Variants in CSMD1 observed in about 807,000 individuals in gnomAD.
CSMD1 encodes CUB and sushi domain-containing protein 1.
CSMD1 carries 213 observed loss-of-function variants against 417.5 expected under a neutral mutation model. The ratio of observed to expected loss-of-function variants is 0.51; its 90% CI spans 0.46 to 0.57. CSMD1 has a LOEUF of 0.57. CSMD1 is among the 20% of genes least tolerant of loss of function. CSMD1 has a pLI of 0.00. For missense variants in CSMD1, 6,923 were observed against 4,529.7 expected (o/e 1.53, Z -15.17); for synonymous variants, 2,862 against 1,736.8 (o/e 1.65, Z -16.11).
intron 5 of CSMD1, among the ~76,000 whole-genome samples, chr8:3,897,483 T>C: frequency 6.6e-6 from 1 of 152,210 alleles, no homozygotes; most frequent in Middle Eastern, 3.2e-3. Flanking sequence ...AATTTTTATT[T>C]ATGATCTTAA....
intron 2 of CSMD1, among the ~76,000 whole-genome samples, chr8:4,426,316 GT>G (rs944962552): frequency 2.0e-5 from 3 of 150,682 alleles, no homozygotes; most frequent in Non-Finnish European, 4.4e-5. Flanking sequence ...GATATAAAAA[GT>G]TTTTTTAATT....
chr8:3,396,320 G>A lies in CSMD1; in HGVS notation c.2467C>T (p.Pro823Ser), dbSNP rs1305798870. 1.2e-6 allele frequency: 2 copies of A among 1,608,128 alleles called. No homozygotes were observed. Among genetic ancestry groups the A allele is most frequent in the East Asian group, 4.5e-5 (2 of 44,702 alleles). The stretch of plus-strand genomic sequence containing the variant: ...GTGCCGTGGTACTCGCCGATCAGTG[G>A]GGACGAACTGGCTGGCCCATCTCTG... ...EVRDGPASSS[P>S]LIGEYHGTQA... is the part of the protein sequence containing the mutation. The change falls in exon 17 of 70, where the codon CCA (proline) becomes TCA (serine). Residue 823 changes from proline (P) to serine (S), a missense_variant. Pro to Ser is a moderately conservative substitution (Grantham distance 74). Transcript: ENST00000635120.
intron 18 of CSMD1, among the ~76,000 whole-genome samples, chr8:3,373,022 G>A (rs979012862): frequency 9.8e-5 from 15 of 152,290 alleles, no homozygotes; most frequent in African/African-American, 2.6e-4. Context: ...AAATTTTTAT[G>A]AAGACGATCA....
intron 6 of CSMD1, among the ~76,000 whole-genome samples, chr8:3,709,092 C>T (rs1254792453): frequency 1.3e-5 from 2 of 151,256 alleles, no homozygotes; most frequent in Non-Finnish European, 1.5e-5. Flanking sequence ...CATCATCATT[C>T]TGAGAGTTAA....
chr8:4,617,512 A>G (rs1338493774), intron 2 of CSMD1, among the ~76,000 whole-genome samples: 2 of 152,178 alleles, frequency 1.3e-5, no homozygotes, highest in African/African-American at 4.8e-5. Flanking sequence ...CAACTAGACA[A>G]TGCTATGAGG....
rs760001808 is a variant in CSMD1 at position 3,219,347 on chromosome 8, G to A, written c.4580C>T (p.Pro1527Leu). 1 of 1,576,938 alleles carries A rather than the reference G, an allele frequency of 6.3e-7. No homozygotes were observed. Among genetic ancestry groups the A allele is most frequent in the South Asian group, 1.2e-5 (1 of 86,110 alleles). ...GTTTCCGCTACTCTCTATTCTTTCT[G>A]GGGCCTGAGAGCCCTGGTAACTCCC... The part of the protein sequence containing the change: ...LIGSYQGSQA[P>L]ERIESSGNSL... The change falls in exon 29 of 70, where the codon CCA (proline) becomes CTA (leucine). Residue 1527 changes from proline (P) to leucine (L), a missense_variant. By Grantham distance (98) the Pro-to-Leu change is moderately conservative. Transcript: ENST00000635120.
rs67767005 is a variant in CSMD1 at position 4,226,067 on chromosome 8, G to GACACAC, written c.415+193880_415+193885dup. ...GCTGGAAGGTTAGAGCTGACAGGCG[G>GACACAC]ACACACACACACACACACACACACA... On this transcript the variant is annotated intron_variant, in intron 3 of 69. Coordinates refer to ENST00000635120, the MANE Select transcript of CSMD1 (RefSeq NM_033225.6). 6.6e-3 allele frequency among the ~76,000 whole-genome samples: 952 copies of GACACAC among 143,584 alleles called. 5 individuals are homozygous for GACACAC. The highest frequency in any genetic ancestry group is 0.016 in the African/African-American group (614 of 39,176). 94.2% of individuals were successfully genotyped at this position (143,584 alleles called of 152,430 possible). A position where few individuals can be genotyped will look rare whatever the true frequency, so the allele number is the denominator to read the frequency against.
At chr8:4,015,661 T>TAAAAAAAAAAAA (rs11371186) in intron 4 of CSMD1, among the ~76,000 whole-genome samples, 4 of 97,474 alleles carry the variant, frequency 4.1e-5, no homozygotes, top group South Asian at 3.8e-4. Context: ...GTTTGAATCT[T>TAAAAAAAAAAAA]AAAAAAAAAA....
At chr8:3,548,222 A>G (rs1410058243) in intron 10 of CSMD1, among the ~76,000 whole-genome samples, 1 of 152,150 alleles carries the variant, frequency 6.6e-6, no homozygotes, top group Non-Finnish European at 1.5e-5. Context: ...GGGCTGATGG[A>G]GCCATCTCAG....
rs78873514 is a variant in CSMD1 at position 2,961,051 on chromosome 8, T to C, written c.9702+90A>G. The C allele has an allele frequency of 8.4e-5, 61 of 725,974 alleles. No individual in the cohort carries two copies. In the East Asian group the frequency reaches 1.9e-3, roughly 22 times the overall value. 45.0% of individuals were successfully genotyped at this position (725,974 alleles called of 1,614,324 possible). A position where few individuals can be genotyped will look rare whatever the true frequency, so the allele number is the denominator to read the frequency against. On this transcript the variant is annotated intron_variant, in intron 62 of 69. Coordinates refer to ENST00000635120, the MANE Select transcript of CSMD1 (RefSeq NM_033225.6). The stretch of plus-strand genomic sequence containing the variant: ...TCAGGTAAATATAACATGAATAAGG[T>C]ATGATATAAAAAAGCACTCACATAT...
intron 4 of CSMD1, among the ~76,000 whole-genome samples, chr8:3,999,366 T>C (rs1815479712): frequency 6.6e-6 from 1 of 152,130 alleles, no homozygotes; most frequent in Admixed American, 6.5e-5. Flanking sequence ...CCACCAAAAT[T>C]ATACCGAAGT....
At chr8:4,300,175 A>G (rs756656818) in intron 3 of CSMD1, among the ~76,000 whole-genome samples, 1 of 152,142 alleles carries the variant, frequency 6.6e-6, no homozygotes, top group Non-Finnish European at 1.5e-5. Context: ...CAAAACAGAC[A>G]ATTTCCTTTT....
chr8:3,887,172 C>G (rs192826228), intron 5 of CSMD1, among the ~76,000 whole-genome samples: 1 of 152,102 alleles, frequency 6.6e-6, no homozygotes, highest in Non-Finnish European at 1.5e-5. Flanking sequence ...GGTATTCCAG[C>G]TGCTGAAGTG....
intron 40 of CSMD1, among the ~76,000 whole-genome samples, chr8:3,143,829 C>T (rs1260966596): frequency 1.3e-5 from 2 of 152,170 alleles, no homozygotes; most frequent in Admixed American, 6.5e-5. Context: ...TTTCCTACTT[C>T]ATTGGAAGTG....
intron 3 of CSMD1, among the ~76,000 whole-genome samples, chr8:4,367,373 G>A (rs1219906250): frequency 6.6e-6 from 1 of 152,048 alleles, no homozygotes; most frequent in East Asian, 1.9e-4. Flanking sequence ...GATTGTAGGT[G>A]TATGGCTTTA....
chr8:4,287,897 C>T (rs1045169957), intron 3 of CSMD1, among the ~76,000 whole-genome samples: 2 of 152,050 alleles, frequency 1.3e-5, no homozygotes, highest in South Asian at 2.1e-4. Context: ...TCCCAGGTTG[C>T]TCTTAAGCCA....
chr8:3,428,540 A>G (rs1814001006), intron 12 of CSMD1, among the ~76,000 whole-genome samples: 1 of 152,236 alleles, frequency 6.6e-6, no homozygotes, highest in Non-Finnish European at 1.5e-5. Flanking sequence ...CAACCCTTAA[A>G]AGACTGACCA....
chr8:3,996,059 C>T (rs1815190102), intron 5 of CSMD1, among the ~76,000 whole-genome samples: 1 of 152,178 alleles, frequency 6.6e-6, no homozygotes, highest in Non-Finnish European at 1.5e-5. Flanking sequence ...ATGGTCCCAT[C>T]AACTTTTCAG....
intron 25 of CSMD1, among the ~76,000 whole-genome samples, chr8:3,301,686 C>G (rs892228736): frequency 3.9e-5 from 6 of 152,034 alleles, no homozygotes; most frequent in African/African-American, 1.4e-4. Flanking sequence ...CATGAGCAGC[C>G]AAAGATACAC....
Sources: allele counts gnomAD v4.1 joint callset (sites outside exome capture counted in the v4.1 genomes callset), GRCh38; gene constraint gnomAD v4.1.1; transcripts MANE v1.5; gene names NCBI Gene and HGNC (gene_info 2026-07-23, HGNC 2026-07-21).